Variants in SCAI observed in about 807,000 individuals in gnomAD.
The protein encoded by SCAI is protein SCAI.
In SCAI, 24 loss-of-function variants were observed where a neutral mutation model predicts 92.2. The observed-to-expected ratio is 0.26, with a 90% CI of 0.19 to 0.37. The LOEUF (loss-of-function observed/expected upper bound fraction) is 0.37, where lower values mean the gene tolerates loss of function less well. SCAI is among the 10% of genes least tolerant of loss of function. The pLI, the probability that SCAI is intolerant of heterozygous loss-of-function variation, is 1.00. For synonymous variants in SCAI, 261 were observed against 258.6 expected (o/e 1.01, Z -0.09); for missense variants, 450 against 736.2 (o/e 0.61, Z 4.50).
At chr9:125,079,966 AT>A (rs1261958229) in intron 2 of SCAI, among the ~76,000 whole-genome samples, 1 of 152,180 alleles carries the variant, frequency 6.6e-6, no homozygotes, top group African/African-American at 2.4e-5. Flanking sequence ...TGCCATGTGA[AT>A]TCTAAAAGGT....
Position 125,026,597 on chromosome 9 carries a change from T to C in SCAI, c.512+215A>G, listed in dbSNP as rs566385840. Among the ~76,000 whole-genome samples, 12 of 152,312 alleles carry C rather than the reference T, an allele frequency of 7.9e-5. No individual in the cohort carries two copies. In the South Asian group the frequency reaches 2.3e-3, roughly 29 times the overall value. On this transcript the variant is annotated intron_variant, in intron 6 of 17. Coordinates refer to ENST00000336505, the MANE Select transcript of SCAI (RefSeq NM_001144877.3). ...TGTAAAACAATAACCCAACCCTCCT[T>C]TGGCATTGTGACATCTGTTAAACAT...
intron 2 of SCAI, among the ~76,000 whole-genome samples, chr9:125,131,339 C>G (rs1054028807): frequency 6.8e-6 from 1 of 147,748 alleles, no homozygotes; most frequent in Non-Finnish European, 1.5e-5. Context: ...ACCCGGGAGG[C>G]GGAGGTTGCA....
At chr9:125,062,628 G>A (rs1394574000) in intron 2 of SCAI, among the ~76,000 whole-genome samples, 2 of 151,692 alleles carry the variant, frequency 1.3e-5, no homozygotes, top group Admixed American at 6.6e-5. Context: ...GGTGGCACAC[G>A]CCTGTAATCC....
At chr9:125,037,698 T>C (rs1833228456) in intron 3 of SCAI, among the ~76,000 whole-genome samples, 1 of 152,068 alleles carries the variant, frequency 6.6e-6, no homozygotes, top group African/African-American at 2.4e-5. Context: ...GCGGATCATT[T>C]GAGGTCAGGA....
At chr9:125,135,983 AAAC>A (rs1835515948) in intron 2 of SCAI, among the ~76,000 whole-genome samples, 2 of 151,738 alleles carry the variant, frequency 1.3e-5, no homozygotes, top group African/African-American at 4.8e-5. Flanking sequence ...AAAAAAAAAA[AAAC>A]AAAAAAAAAA....
At chr9:125,055,654 G>C (rs1057293808) in intron 3 of SCAI, among the ~76,000 whole-genome samples, 2 of 152,078 alleles carry the variant, frequency 1.3e-5, no homozygotes, top group African/African-American at 2.4e-5. Flanking sequence ...TCACAAAATA[G>C]CTCTTTTTAA....
chr9:124,948,878 T>C lies in SCAI; in HGVS notation c.*3929A>G, dbSNP rs1831192468. 1 of 152,232 alleles carries C rather than the reference T, an allele frequency of 6.6e-6. No homozygotes were observed. Among genetic ancestry groups the C allele is most frequent in the Admixed American group, 6.5e-5 (1 of 15,276 alleles). The allele number at this position is 152,232 out of a possible 1,614,324, so 9.4% of individuals were successfully genotyped here. On this transcript the variant is annotated 3_prime_UTR_variant, in exon 18 of 18. Coordinates refer to ENST00000336505, the MANE Select transcript of SCAI (RefSeq NM_001144877.3). ...GTTCCAATATTTAAATTTTTATGAA[T>C]TATAAAATTAAATACATTAGGGTTT...
chr9:124,968,493 A>G (rs1831584427), intron 17 of SCAI: 1 of 882,286 alleles, frequency 1.1e-6, no homozygotes, highest in Non-Finnish European at 1.9e-6. Flanking sequence ...CTGCTTGTTG[A>G]TCACGTAGGT....
At chr9:125,060,783 C>A (rs1463492473) in intron 2 of SCAI, among the ~76,000 whole-genome samples, 1 of 152,134 alleles carries the variant, frequency 6.6e-6, no homozygotes, top group African/African-American at 2.4e-5. Flanking sequence ...CCTATAAGTC[C>A]AATTAAACCT....
intron 14 of SCAI, among the ~76,000 whole-genome samples, chr9:124,982,991 C>T (rs79032811): frequency 0.016 from 2,409 of 151,968 alleles, 55 homozygotes; most frequent in African/African-American, 0.055. Flanking sequence ...TATCTCTACA[C>T]AAAATTTAAA....
intron 3 of SCAI, among the ~76,000 whole-genome samples, chr9:125,042,830 T>C (rs1833352115): frequency 6.6e-6 from 1 of 150,638 alleles, no homozygotes; most frequent in Admixed American, 6.6e-5. Context: ...TTGTTAGTTC[T>C]TTTCTGGGAC....
chr9:125,115,072 C>G (rs1465152714), intron 2 of SCAI, among the ~76,000 whole-genome samples: 1 of 151,924 alleles, frequency 6.6e-6, no homozygotes, highest in Non-Finnish European at 1.5e-5. Context: ...TGCACCTGGC[C>G]TAAAGAAACT....
chr9:125,026,009 T>C (rs1013917058), intron 6 of SCAI, among the ~76,000 whole-genome samples: 1 of 152,208 alleles, frequency 6.6e-6, no homozygotes, highest in Non-Finnish European at 1.5e-5. Context: ...CCCAGAATAC[T>C]AACAAGAAAG....
At chr9:125,090,750 G>C (rs1834413946) in intron 2 of SCAI, among the ~76,000 whole-genome samples, 1 of 152,124 alleles carries the variant, frequency 6.6e-6, no homozygotes, top group African/African-American at 2.4e-5. Context: ...TGGGATTACA[G>C]GGGTGTGCCA....
rs1377500229 is a variant in SCAI, at chr9:125,029,661, C to A, written c.309G>T (p.Lys103Asn). The change falls in exon 4 of 18, where the codon AAG becomes AAT. Residue 103 changes from lysine (K) to asparagine (N), a missense_variant. This residue lies in a region of SCAI where 20 missense variants were observed against 68.2 expected (regional missense o/e 0.29). Transcript: ENST00000336505. The part of the protein sequence containing the change: ...RTFDVYTKLW[K>N]FQQQHRQVLD... The stretch of plus-strand genomic sequence containing the variant: ...TCATTTACCGATGCTGCTGCTGGAA[C>A]TTCCAGAGTTTGGTGTAAACATCAA... The A allele has an allele frequency of 1.9e-6, 3 of 1,610,826 alleles. No individual in the cohort carries two copies. Among genetic ancestry groups the A allele is most frequent in the Non-Finnish European group, 2.5e-6 (3 of 1,177,478 alleles).
chr9:125,035,346 C>T (rs1164216855), intron 3 of SCAI, among the ~76,000 whole-genome samples: 1 of 151,736 alleles, frequency 6.6e-6, no homozygotes, highest in Non-Finnish European at 1.5e-5. Flanking sequence ...CAGAGTGAGA[C>T]TCTATCTTAA....
At chr9:124,982,438 G>A (rs1051482074) in intron 14 of SCAI, among the ~76,000 whole-genome samples, 16 of 152,068 alleles carry the variant, frequency 1.1e-4, no homozygotes, top group African/African-American at 2.2e-4. Context: ...TTGGGAGGCC[G>A]AGGGGGGTGG....
chr9:125,020,188 G>A (rs556161791), intron 7 of SCAI, among the ~76,000 whole-genome samples: 3 of 151,904 alleles, frequency 2.0e-5, no homozygotes, highest in Non-Finnish European at 4.4e-5. Context: ...AATGCAATCA[G>A]AATTTAATAT....
intron 9 of SCAI, among the ~76,000 whole-genome samples, chr9:125,008,622 G>A (rs1832565671): frequency 6.6e-6 from 1 of 152,102 alleles, no homozygotes; most frequent in African/African-American, 2.4e-5. Context: ...TTAGTGAAAT[G>A]GAAAAGAAGT....
Sources: allele counts gnomAD v4.1 joint callset (sites outside exome capture counted in the v4.1 genomes callset), GRCh38; gene constraint gnomAD v4.1.1; regional missense constraint gnomAD v4.1.1; transcripts MANE v1.5; gene names NCBI Gene and HGNC (gene_info 2026-07-23, HGNC 2026-07-21).